PRSS23: variants seen among roughly 807,000 people sequenced by gnomAD.
The protein encoded by PRSS23 is protease, serine 23.
A neutral mutation model predicts 34.7 loss-of-function variants in PRSS23; 25 were observed. That is an observed-to-expected ratio of 0.72 (90% CI 0.53 to 1.01). PRSS23 has a LOEUF of 1.01. PRSS23 is among the 50% of genes least tolerant of loss of function. PRSS23 has a pLI of 0.00. For missense variants in PRSS23, 445 were observed against 475.6 expected (o/e 0.94, Z 0.60); for synonymous variants, 176 against 186.6 (o/e 0.94, Z 0.46).
At chr11:86,950,910 T>C in intron 2 of PRSS23, 1 of 593,046 alleles carries the variant, frequency 1.7e-6, no homozygotes, top group Non-Finnish European at 3.0e-6. Flanking sequence ...TTTTCACAGC[T>C]TTGAAAGCCT....
At chr11:86,893,119 T>C (rs1235198234) in intron 2 of PRSS23, among the ~76,000 whole-genome samples, 2 of 152,190 alleles carry the variant, frequency 1.3e-5, no homozygotes, top group African/African-American at 4.8e-5. Flanking sequence ...ATTGCAGTTA[T>C]GCTAACACCA....
chr11:86,801,019 C>T (rs1948031488), intron 1 of PRSS23, among the ~76,000 whole-genome samples: 1 of 152,146 alleles, frequency 6.6e-6, no homozygotes, highest in South Asian at 2.1e-4. Context: ...CCCCAACACA[C>T]CACCACCACT....
intron 2 of PRSS23, chr11:86,950,144 G>C (rs954964899): frequency 5.9e-5 from 9 of 152,650 alleles, no homozygotes; most frequent in African/African-American, 1.9e-4. Context: ...TAATCTGTGT[G>C]AATGCAAAGT....
At chr11:86,863,972 C>G (rs917596866) in intron 2 of PRSS23, among the ~76,000 whole-genome samples, 1 of 152,190 alleles carries the variant, frequency 6.6e-6, no homozygotes, top group African/African-American at 2.4e-5. Context: ...GACCCCATGT[C>G]CATGACGAGT....
At chr11:86,890,987 C>T (rs1007605838) in intron 2 of PRSS23, among the ~76,000 whole-genome samples, 11 of 152,160 alleles carry the variant, frequency 7.2e-5, no homozygotes, top group Non-Finnish European at 1.6e-4. Context: ...CTTCAAAATG[C>T]CTTTTGGTTC....
At chr11:86,830,573 A>G (rs3016254) in intron 2 of PRSS23, among the ~76,000 whole-genome samples, 54,291 of 151,974 alleles carry the variant, frequency 0.36, 10,091 homozygotes, top group East Asian at 0.47. Flanking sequence ...GAAATCACCC[A>G]TCTTCTGTGT....
intron 2 of PRSS23, among the ~76,000 whole-genome samples, chr11:86,898,610 A>T (rs1011756966): frequency 1.1e-4 from 16 of 152,182 alleles, no homozygotes; most frequent in Admixed American, 9.2e-4. Context: ...TTGTTCCTTC[A>T]TGGGTCCCTG....
chr11:86,876,995 C>T (rs1303488596), intron 2 of PRSS23, among the ~76,000 whole-genome samples: 1 of 152,200 alleles, frequency 6.6e-6, no homozygotes, highest in Non-Finnish European at 1.5e-5. Context: ...ACCTGCACGG[C>T]TGAGCCCTGG....
chr11:86,827,614 T>G (rs1948313106), intron 2 of PRSS23, among the ~76,000 whole-genome samples: 1 of 152,216 alleles, frequency 6.6e-6, no homozygotes, highest in African/African-American at 2.4e-5. Context: ...CTTTCCTGCT[T>G]TCTCTTGTGG....
At chr11:86,832,508 A>G (rs1280303590) in intron 2 of PRSS23, 5 of 275,898 alleles carry the variant, frequency 1.8e-5, no homozygotes, top group Admixed American at 1.2e-4. Context: ...AATGGAACAG[A>G]TAATAAAATA....
At chr11:86,913,523 G>T (rs1343355332) in intron 2 of PRSS23, among the ~76,000 whole-genome samples, 2 of 151,240 alleles carry the variant, frequency 1.3e-5, no homozygotes, top group Non-Finnish European at 2.9e-5. Flanking sequence ...TTCTAAAGGA[G>T]TGTTGAGAAT....
intron 2 of PRSS23, chr11:86,946,170 C>T (rs1949240672): frequency 2.0e-5 from 3 of 152,378 alleles, no homozygotes; most frequent in Middle Eastern, 3.4e-3. Context: ...AAGCAGCTTA[C>T]CCCTCCCAAA....
At chr11:86,835,971 T>C (rs114792747) in intron 2 of PRSS23, among the ~76,000 whole-genome samples, 3,532 of 152,246 alleles carry the variant, frequency 0.023, 147 homozygotes, top group African/African-American at 0.08. Context: ...ACCCTTTCGG[T>C]AAAACAGTCC....
chr11:86,884,488 C>T (rs543005242), intron 2 of PRSS23, among the ~76,000 whole-genome samples: 19 of 152,066 alleles, frequency 1.2e-4, no homozygotes, highest in Non-Finnish European at 2.5e-4. Context: ...TTAGTAGAGA[C>T]GGGGTTTCTC....
At chr11:86,819,366 A>C (rs1335079662) in intron 1 of PRSS23, among the ~76,000 whole-genome samples, 1 of 152,220 alleles carries the variant, frequency 6.6e-6, no homozygotes, top group Non-Finnish European at 1.5e-5. Flanking sequence ...ATAAGAAAAA[A>C]GCCAATTATT....
At chr11:86,879,355 C>T (rs1452007775) in intron 2 of PRSS23, among the ~76,000 whole-genome samples, 1 of 151,114 alleles carries the variant, frequency 6.6e-6, no homozygotes, top group Non-Finnish European at 1.5e-5. Context: ...GGCAACCGCC[C>T]CATATGAGAA....
At chr11:86,920,642 C>A (rs932247981) in intron 2 of PRSS23, among the ~76,000 whole-genome samples, 2 of 152,050 alleles carry the variant, frequency 1.3e-5, no homozygotes, top group African/African-American at 4.8e-5. Context: ...GGAATAGGTA[C>A]ATAAACATGA....
intron 2 of PRSS23, among the ~76,000 whole-genome samples, chr11:86,841,448 G>A (rs2845685): frequency 0.35 from 52,078 of 150,788 alleles, 9,239 homozygotes; most frequent in East Asian, 0.47. Context: ...GAGCAGAACT[G>A]AAGGAGATAA....
intron 2 of PRSS23, among the ~76,000 whole-genome samples, chr11:86,866,600 G>A (rs552003172): frequency 1.3e-5 from 2 of 152,292 alleles, no homozygotes; most frequent in South Asian, 2.1e-4. Context: ...ATTTAAGGAT[G>A]AGCAAGATAC....
Sources: gnomAD v4.1 joint callset for allele counts (sites outside exome capture counted in the v4.1 genomes callset) on GRCh38, gnomAD v4.1.1 for gene constraint, MANE v1.5 for transcripts, NCBI Gene and HGNC (gene_info 2026-07-23, HGNC 2026-07-21) for gene names.